NOSIP: variants seen among roughly 807,000 people sequenced by gnomAD.
The protein encoded by NOSIP is nitric oxide synthase interacting protein.
In NOSIP, 25 loss-of-function variants were observed where a neutral mutation model predicts 36.4. That is an observed-to-expected ratio of 0.69 (90% CI 0.50 to 0.96). NOSIP has a LOEUF of 0.96. NOSIP is among the 40% of genes least tolerant of loss of function. The pLI, the probability that NOSIP is intolerant of heterozygous loss-of-function variation, is 0.00. For synonymous variants in NOSIP, 187 were observed against 179.2 expected (o/e 1.04, Z -0.35); for missense variants, 370 against 429.0 (o/e 0.86, Z 1.21).
chr19:49,565,112 C>A (rs1424887917), intron 1 of NOSIP, among the ~76,000 whole-genome samples: 1 of 151,992 alleles, frequency 6.6e-6, no homozygotes. Context: ...CTTGTCACTA[C>A]AAAACATAGA....
rs897683943 is a variant in NOSIP, at chr19:49,574,509, C to T, written c.-2+6006G>A. On this transcript the variant is annotated intron_variant, in intron 1 of 8. Coordinates refer to ENST00000596358, the MANE Select transcript of NOSIP (RefSeq NM_001270960.2). ...AATACACAGTTGTAGCTTTACAATG[C>T]GGTTTTCGATGGCTGCCACCTGTCT... 8.5e-5 allele frequency among the ~76,000 whole-genome samples: 13 copies of T among 152,114 alleles called. No individual in the cohort carries two copies. In the East Asian group the frequency reaches 9.6e-4, roughly 11 times the overall value.
intron 1 of NOSIP, among the ~76,000 whole-genome samples, chr19:49,576,433 C>T (rs758236080): frequency 1.3e-5 from 2 of 151,984 alleles, no homozygotes; most frequent in Non-Finnish European, 2.9e-5. Flanking sequence ...AAAAATTAGC[C>T]GGGCATAGTG....
intron 1 of NOSIP, among the ~76,000 whole-genome samples, chr19:49,570,596 C>T (rs932171323): frequency 6.6e-6 from 1 of 152,042 alleles, no homozygotes; most frequent in Non-Finnish European, 1.5e-5. Flanking sequence ...TGCAGAAGGG[C>T]GACCTTGATC....
intron 1 of NOSIP, among the ~76,000 whole-genome samples, chr19:49,576,299 C>A (rs2080552480): frequency 6.6e-6 from 1 of 151,668 alleles, no homozygotes; most frequent in Non-Finnish European, 1.5e-5. Flanking sequence ...TCAAGACCAG[C>A]CTGAGCAACA....
chr19:49,567,122 CTTTT>C (rs1234750784), intron 1 of NOSIP, among the ~76,000 whole-genome samples: 1 of 108,336 alleles, frequency 9.2e-6, no homozygotes, highest in Non-Finnish European at 1.9e-5. Flanking sequence ...AGCCAAAAAA[CTTTT>C]TTTTTTTTTT....
In NOSIP at chr19:49,560,393, C is replaced by T; in HGVS notation, c.70+229G>A. 2 of 590,758 alleles carry T rather than the reference C, an allele frequency of 3.4e-6. No individual in the cohort carries two copies. Among genetic ancestry groups the T allele is most frequent in the Non-Finnish European group, 6.1e-6 (2 of 330,224 alleles). 36.6% of individuals were successfully genotyped at this position (590,758 alleles called of 1,614,324 possible). On this transcript the variant is annotated intron_variant, in intron 2 of 8. Coordinates refer to ENST00000596358, the MANE Select transcript of NOSIP (RefSeq NM_001270960.2). The surrounding 1 kb of genome is among the most constrained non-coding windows in gnomAD (Gnocchi z 4.6). ...ACATGGGGTAACAAGAGCACCCTCC[C>T]TGACACTCTGTTGGGAGGAGTGAGT... is the stretch of plus-strand genomic sequence containing the variant.
At position 49,556,351 on chromosome 19, in the gene NOSIP, T is replaced by C. The variant is rs2080245447; in HGVS notation, c.800A>G (p.Lys267Arg). 1.9e-6 allele frequency: 3 copies of C among 1,613,334 alleles called. No individual in the cohort carries two copies. In the African/African-American group the frequency reaches 4.0e-5, roughly 22 times the overall value. ...KDMVDPVTGD[K>R]LTDRDIIVLQ... ...CACGATGATGTCGCGGTCTGTGAGT[T>C]TGTCTCCAGTCACAGGGTCCACCAT... The change falls in exon 8 of 9, where the codon AAA (lysine) becomes AGA (arginine). Residue 267 changes from lysine to arginine, a missense_variant. Coordinates refer to ENST00000596358, the MANE Select transcript of NOSIP (RefSeq NM_001270960.2).
rs182199119 is a variant in NOSIP, at chr19:49,566,969, C to T, written c.-1-6277G>A. Among the ~76,000 whole-genome samples the T allele has an allele frequency of 1.4e-3, 218 of 151,652 alleles. 1 individual carries two copies. The highest frequency in any genetic ancestry group is 4.9e-3 in the African/African-American group (204 of 41,300). On this transcript the variant is annotated intron_variant, in intron 1 of 8. Transcript: ENST00000596358. ...TAGCTGGGATTACAGGCGCGCACCA[C>T]CATGCCCAGCTAATTGTTGTATTTT...
intron 1 of NOSIP, among the ~76,000 whole-genome samples, chr19:49,573,763 C>G (rs1218055081): frequency 6.6e-6 from 1 of 152,014 alleles, no homozygotes; most frequent in African/African-American, 2.4e-5. Context: ...ATGACAACCT[C>G]CCCACGTTCT....
intron 1 of NOSIP, among the ~76,000 whole-genome samples, chr19:49,572,980 A>G (rs2080505985): frequency 1.3e-5 from 2 of 151,794 alleles, no homozygotes; most frequent in South Asian, 4.2e-4. Flanking sequence ...CTCAAAAAAA[A>G]AAAAAAAAAA....
chr19:49,579,182 ACT>A (rs2080592478), intron 1 of NOSIP: 1 of 152,244 alleles, frequency 6.6e-6, no homozygotes, highest in Admixed American at 6.5e-5. Flanking sequence ...ACTGGACTTG[ACT>A]CTGCACCACG....
At chr19:49,557,993 T>C in intron 4 of NOSIP, 1 of 939,278 alleles carries the variant, frequency 1.1e-6, no homozygotes, top group Non-Finnish European at 1.3e-6. Context: ...TAGTGTTTCC[T>C]GAGCGCCAGC....
chr19:49,577,330 G>T (rs1263287060), intron 1 of NOSIP, among the ~76,000 whole-genome samples: 3 of 151,602 alleles, frequency 2.0e-5, no homozygotes, highest in Non-Finnish European at 2.9e-5. Flanking sequence ...AGGCCAAAGC[G>T]GGCGGATCAT....
At chr19:49,558,185 T>C in intron 4 of NOSIP, 1 of 155,372 alleles carries the variant, frequency 6.4e-6, no homozygotes, top group East Asian at 1.7e-4. Context: ...TCAGCCCGTT[T>C]TACAGACGAT....
intron 1 of NOSIP, among the ~76,000 whole-genome samples, chr19:49,561,960 T>C (rs987159167): frequency 6.6e-6 from 1 of 152,050 alleles, no homozygotes; most frequent in Non-Finnish European, 1.5e-5. Flanking sequence ...AGGGGTTTGA[T>C]CATTTTAACT....
rs1281518162 is a variant in NOSIP, at chr19:49,580,516, T to C, written c.-3A>G. 2 of 152,058 alleles carry C rather than the reference T, an allele frequency of 1.3e-5. No homozygotes were observed. The highest frequency in any genetic ancestry group is 6.6e-5 in the Admixed American group (1 of 15,226). The allele number at this position is 152,058 out of a possible 1,614,324, so 9.4% of individuals were successfully genotyped here. A position where few individuals can be genotyped will look rare whatever the true frequency, so the allele number is the denominator to read the frequency against. ...CTTCCTGCACCGCCTCGAACTCACC[T>C]CACTAACGACTCCCAGTCCCTCGGT... On this transcript the variant is annotated splice_region_variant and 5_prime_UTR_variant, in exon 1 of 9. Coordinates refer to ENST00000596358, the MANE Select transcript of NOSIP (RefSeq NM_001270960.2).
chr19:49,558,920 T>G lies in NOSIP; in HGVS notation c.235A>C (p.Lys79Gln). ...AILEYILHQKKEIARQMKAYE... is the reference protein window; with the variant it reads ...AILEYILHQKQEIARQMKAYE... ...ACCTTCATCTGCCGGGCAATCTCCT[T>G]CTTCTGGTGCAGAATGTACTCCAGG... Residue 79 changes from lysine to glutamine, a missense_variant, in exon 4 of 9, where the codon AAG becomes CAG. Physicochemically the swap from Lys to Gln is moderately conservative, Grantham distance 53. Coordinates refer to ENST00000596358, the MANE Select transcript of NOSIP (RefSeq NM_001270960.2). The G allele has an allele frequency of 1.2e-6, 2 of 1,614,098 alleles. No homozygotes were observed. Among genetic ancestry groups the G allele is most frequent in the South Asian group, 2.2e-5 (2 of 91,086 alleles).
At chr19:49,559,466 C>A in intron 3 of NOSIP, 1 of 184,254 alleles carries the variant, frequency 5.4e-6, no homozygotes, top group East Asian at 1.6e-4. Flanking sequence ...GCCAAGATGT[C>A]CCCATTGCAC....
intron 1 of NOSIP, among the ~76,000 whole-genome samples, chr19:49,567,528 G>T (rs549501439): frequency 3.9e-4 from 60 of 152,102 alleles, no homozygotes; most frequent in Non-Finnish European, 7.9e-4. Flanking sequence ...TTGCCCCAGG[G>T]CTTCCTGGGA....
Sources: allele counts gnomAD v4.1 joint callset (sites outside exome capture counted in the v4.1 genomes callset), GRCh38; gene constraint gnomAD v4.1.1; non-coding constraint Gnocchi (gnomAD v3.1); transcripts MANE v1.5; gene names NCBI Gene and HGNC (gene_info 2026-07-23, HGNC 2026-07-21).